The following SHANK1 variants were observed in gnomAD, a reference collection of about 807,000 sequenced individuals.
SHANK1 encodes the protein SH3 and multiple ankyrin repeat domains 1, also known as SH3 and multiple ankyrin repeat domains protein 1.
In SHANK1, 35 loss-of-function variants were observed where a neutral mutation model predicts 165.6. The ratio of observed to expected loss-of-function variants is 0.21; its 90% confidence interval spans 0.16 to 0.28. SHANK1 has a LOEUF of 0.28. Among genes scored for constraint, SHANK1 ranks in the 10% least tolerant of loss-of-function variants. SHANK1 has a pLI of 1.00. For missense variants in SHANK1, 2,681 were observed against 3,036.4 expected, an observed-to-expected ratio of 0.88 and a Z score of 2.75; for synonymous variants, 1,428 against 1,384.8, an observed-to-expected ratio of 1.03 and a Z score of -0.69.
chr19:50,663,931 T>C (rs1264521149), intron 23 of SHANK1, among the ~76,000 whole-genome samples: 1 of 77,930 alleles, frequency 1.3e-5, no homozygotes, highest in East Asian at 2.3e-4. Context: ...TCTTTCTCTC[T>C]CTCTCTCTCT....
Position 50,668,507 on chromosome 19 carries a change from GTTC to G in SHANK1, c.3450_3452del (p.Lys1150del), listed in dbSNP as rs1249438958. 3.7e-6 allele frequency: 5 copies of G among 1,350,146 alleles called. No homozygotes were observed. Among genetic ancestry groups the G allele is most frequent in the South Asian group, 2.4e-5 (1 of 41,066 alleles). The allele number at this position is 1,350,146 out of a possible 1,614,324, so 83.6% of individuals were successfully genotyped here. The stretch of plus-strand genomic sequence containing the variant: ...TGATGATGGTGGGGATGGGGATGGA[GTTC>G]TTCTCCGAGGGCGCGGCCACGGCGG... On this transcript the variant is annotated inframe_deletion, in exon 23 of 24. Coordinates refer to ENST00000293441, the MANE Select transcript of SHANK1 (RefSeq NM_016148.5).
chr19:50,691,992 C>T (rs1438604388), intron 15 of SHANK1, among the ~76,000 whole-genome samples: 1 of 152,130 alleles, frequency 6.6e-6, no homozygotes, highest in Non-Finnish European at 1.5e-5. Flanking sequence ...GCCCTAGTTT[C>T]ACTTTATAGG....
At position 50,661,786 on chromosome 19, in the gene SHANK1, G is replaced by A; in HGVS notation, c.*179C>T. 1.6e-6 allele frequency: 1 copy of A among 636,238 alleles called. No homozygotes were observed. Among genetic ancestry groups the A allele is most frequent in the African/African-American group, 1.8e-5 (1 of 54,784 alleles). 39.4% of individuals were successfully genotyped at this position (636,238 alleles called of 1,614,324 possible). A position where few individuals can be genotyped will look rare whatever the true frequency, so the allele number is the denominator to read the frequency against. On this transcript the variant is annotated 3_prime_UTR_variant, in exon 24 of 24. Transcript: ENST00000293441. ...GTGTCAGCTGCCCCCCTTCAGTGAG[G>A]TGCAAATGTCCGGCCTGGATTGGGC...
Position 50,671,999 on chromosome 19 carries a change from C to G in SHANK1, c.2674+19G>C. On this transcript the variant is annotated intron_variant, in intron 22 of 23. Coordinates refer to ENST00000293441, the MANE Select transcript of SHANK1 (RefSeq NM_016148.5). ...CTGGCCTCCCCCAGCCCCCACATCT[C>G]TTCTTCTGGGTGGCATACCGATAGA... 6.3e-7 allele frequency: 1 copy of G among 1,594,184 alleles called. No homozygotes were observed. Among genetic ancestry groups the G allele is most frequent in the Non-Finnish European group, 8.6e-7 (1 of 1,163,540 alleles).
At chr19:50,671,767 C>G (rs1468304608) in intron 22 of SHANK1, among the ~76,000 whole-genome samples, 3 of 152,096 alleles carry the variant, frequency 2.0e-5, no homozygotes, top group East Asian at 3.8e-4. Flanking sequence ...CACTGCATCC[C>G]CATTCTCCAG....
rs570859076 is a variant in SHANK1 at position 50,701,188 on chromosome 19, G to A, written c.1747+1279C>T. ...TGAAGTAGGGGCCACTTAGGAAAATGATGGCTTTTTTTTTTTTTTTTTTTG... is the reference window on the plus strand; with the variant it reads ...TGAAGTAGGGGCCACTTAGGAAAATAATGGCTTTTTTTTTTTTTTTTTTTG... On this transcript the variant is annotated intron_variant, in intron 12 of 23. Coordinates refer to ENST00000293441, the MANE Select transcript of SHANK1 (RefSeq NM_016148.5). Among the ~76,000 whole-genome samples the A allele has an allele frequency of 3.0e-5, 4 of 135,390 alleles. No individual in the cohort carries two copies. The East Asian group carries it at 8.4e-4, about 29-fold the overall frequency. The allele number at this position is 135,390 out of a possible 152,430, so 88.8% of individuals were successfully genotyped here. A position where few individuals can be genotyped will look rare whatever the true frequency, so the allele number is the denominator to read the frequency against.
intron 12 of SHANK1, among the ~76,000 whole-genome samples, chr19:50,698,797 C>A (rs992976986): frequency 1.3e-5 from 2 of 152,198 alleles, no homozygotes; most frequent in Admixed American, 6.5e-5. Flanking sequence ...GGCATACTTT[C>A]AGTCACTCAT....
At chr19:50,711,817 T>G in intron 7 of SHANK1, 130 bp downstream of exon 7, 1 of 1,085,304 alleles carries the variant, frequency 9.2e-7, no homozygotes. Context: ...CATTTCCTCT[T>G]TGGGGACCAT....
In SHANK1 at chr19:50,717,813, G is replaced by T. The variant is rs995811632; in HGVS notation, c.-43-851C>A. Among the ~76,000 whole-genome samples, 4 of 152,044 alleles carry T rather than the reference G, an allele frequency of 2.6e-5. No homozygotes were observed. The highest frequency in any genetic ancestry group is 5.9e-5 in the Non-Finnish European group (4 of 67,982). The stretch of plus-strand genomic sequence containing the variant: ...GCAGGGTGGGTGGGCTGGCTTGCTG[G>T]GTACTAGGGGCTCCACTCTGAGGAC... On this transcript the variant is annotated intron_variant, in intron 1 of 23. Transcript: ENST00000293441. The surrounding 1 kb of genome is among the most constrained non-coding windows in gnomAD (Gnocchi z 5.5).
chr19:50,688,824 G>A lies in SHANK1; in HGVS notation c.2172+20C>T. The A allele has an allele frequency of 1.2e-6, 2 of 1,604,456 alleles. No individual in the cohort carries two copies. The highest frequency in any genetic ancestry group is 1.7e-6 in the Non-Finnish European group (2 of 1,175,298). ...GAACTTGTCACAGGGTCCCAGGGAA[G>A]AGAGGGGGCCTGGACTGACCTCGAT... On this transcript the variant is annotated intron_variant, in intron 17 of 23. Transcript: ENST00000293441. The surrounding 1 kb of genome is among the most constrained non-coding windows in gnomAD (Gnocchi z 6.7).
At chr19:50,692,765 T>C (rs1446531657) in intron 15 of SHANK1, among the ~76,000 whole-genome samples, 1 of 151,330 alleles carries the variant, frequency 6.6e-6, no homozygotes, top group Non-Finnish European at 1.5e-5. Context: ...CCTCACTCCC[T>C]ACTCCTCCAT....
intron 8 of SHANK1, among the ~76,000 whole-genome samples, chr19:50,708,611 G>C (rs576431635): frequency 1.3e-5 from 2 of 152,212 alleles, no homozygotes; most frequent in Non-Finnish European, 2.9e-5. Context: ...GGATGAGGAT[G>C]GAGGATGTGG....
rs1372017890 is a variant in SHANK1 at position 50,660,535 on chromosome 19, C to T, written c.*1430G>A. 3.3e-5 allele frequency among the ~76,000 whole-genome samples: 5 copies of T among 151,742 alleles called. No individual in the cohort carries two copies. Among genetic ancestry groups the T allele is most frequent in the Middle Eastern group, 3.2e-3 (1 of 316 alleles). On this transcript the variant is annotated 3_prime_UTR_variant, in exon 24 of 24. Coordinates refer to ENST00000293441, the MANE Select transcript of SHANK1 (RefSeq NM_016148.5). ...CTTGTCAACAGGAATAAAAAATAAG[C>T]GTGTCAGGAAAAGAAATGACAGTTA...
chr19:50,685,806 G>T (rs1986313677), intron 21 of SHANK1, among the ~76,000 whole-genome samples: 1 of 152,150 alleles, frequency 6.6e-6, no homozygotes, highest in African/African-American at 2.4e-5. Flanking sequence ...CCTACAGGTT[G>T]GCCTCTGGTT....
At chr19:50,694,766 G>A (rs1413785070) in intron 15 of SHANK1, among the ~76,000 whole-genome samples, 4 of 146,626 alleles carry the variant, frequency 2.7e-5, no homozygotes, top group East Asian at 2.1e-4. Context: ...GGTTAGGGAA[G>A]AGGAGCGGAG....
rs1289258325 is a variant in SHANK1 at position 50,719,490 on chromosome 19, G to GC, written c.-129_-128insG. On this transcript the variant is annotated 5_prime_UTR_variant, in exon 1 of 24. Transcript: ENST00000293441. ...CCACCCCCCACCCCCCCGGAGACGG[G>GC]GACCCTCAGGCCATGCCCCACCGCC... 16 of 139,248 alleles carry GC rather than the reference G, an allele frequency of 1.1e-4. No homozygotes were observed. Among genetic ancestry groups the GC allele is most frequent in the Admixed American group, 1.1e-3 (16 of 14,456 alleles). 8.6% of individuals were successfully genotyped at this position (139,248 alleles called of 1,614,324 possible). A position where few individuals can be genotyped will look rare whatever the true frequency, so the allele number is the denominator to read the frequency against.
In SHANK1 at chr19:50,666,644, G is replaced by A; in HGVS notation, c.5316C>T (p.Pro1772=). Residue 1772 remains proline, a synonymous_variant, in exon 23 of 24, where the codon CCC becomes CCT. Coordinates refer to ENST00000293441, the MANE Select transcript of SHANK1 (RefSeq NM_016148.5). Reference sequence around the variant, plus strand: ...TAACAGGGTCTCGGAGTCCCCCGCTGGGGCCAGGCCGCAGGCCTCCGCTGG... The same window carrying A: ...TAACAGGGTCTCGGAGTCCCCCGCTAGGGCCAGGCCGCAGGCCTCCGCTGG... ...LGASGGLRPG[P]SGGLRDPVTP... is the part of the protein sequence containing the mutation. The A allele has an allele frequency of 6.3e-7, 1 of 1,594,626 alleles. No homozygotes were observed. The highest frequency in any genetic ancestry group is 1.3e-5 in the African/African-American group (1 of 74,886).
chr19:50,662,590 G>T lies in SHANK1; in HGVS notation c.5861C>A (p.Thr1954Asn). 3.2e-6 allele frequency: 5 copies of T among 1,566,078 alleles called. No individual in the cohort carries two copies. The South Asian group carries it at 5.9e-5, about 18-fold the overall frequency. ...WPKPPLPPLPTGTGVSPTAAA... is the reference protein window; with the variant it reads ...WPKPPLPPLPNGTGVSPTAAA... ...GGCTGTAGGGGAGACCCCTGTTCCG[G>T]TGGGGAGTGGCGGCAGAGGTGGTTT... The change falls in exon 24 of 24, where the codon ACC becomes AAC. Residue 1954 changes from threonine to asparagine, a missense_variant. Coordinates refer to ENST00000293441, the MANE Select transcript of SHANK1 (RefSeq NM_016148.5). The surrounding 1 kb of genome is among the most constrained non-coding windows in gnomAD (Gnocchi z 7.7).
intron 15 of SHANK1, among the ~76,000 whole-genome samples, chr19:50,691,823 C>T (rs1198411564): frequency 2.0e-5 from 3 of 152,084 alleles, no homozygotes; most frequent in Non-Finnish European, 4.4e-5. Flanking sequence ...ACTACAGGTG[C>T]TTGCCACCAT....
Sources: gnomAD v4.1 joint callset for allele counts (sites outside exome capture counted in the v4.1 genomes callset) on GRCh38, gnomAD v4.1.1 for gene constraint, Gnocchi (gnomAD v3.1) non-coding constraint, MANE v1.5 for transcripts, NCBI Gene and HGNC (gene_info 2026-07-23, HGNC 2026-07-21) for gene names.